Variants in SCARB1 observed in about 807,000 individuals in gnomAD.
SCARB1 encodes the protein scavenger receptor class B member 1, also known as CD36 and LIMPII analogous 1.
A neutral mutation model predicts 57.2 loss-of-function variants in SCARB1; 30 were observed. That is an observed-to-expected ratio of 0.52 (90% CI 0.39 to 0.71). The LOEUF (loss-of-function observed/expected upper bound fraction) is 0.71. Ranked by LOEUF, SCARB1 falls within the 30% of genes least tolerant of loss-of-function variation. SCARB1 has a pLI of 0.00. For synonymous variants in SCARB1, 249 were observed against 268.3 expected (o/e 0.93, Z 0.70); for missense variants, 543 against 671.2 (o/e 0.81, Z 2.11).
At chr12:124,803,689 C>CAAAA (rs58564503) in intron 7 of SCARB1, among the ~76,000 whole-genome samples, 2 of 47,666 alleles carry the variant, frequency 4.2e-5, no homozygotes, top group African/African-American at 9.5e-5. Context: ...CCCACCTCTA[C>CAAAA]AAAAAAAAAA....
intron 9 of SCARB1, among the ~76,000 whole-genome samples, chr12:124,788,377 G>A (rs981775750): frequency 1.3e-5 from 2 of 152,242 alleles, no homozygotes; most frequent in Non-Finnish European, 2.9e-5. Context: ...CTTGTGGCAA[G>A]TGAGGCTCTG....
chr12:124,843,298 G>GT (rs75376985), intron 1 of SCARB1, among the ~76,000 whole-genome samples: 5 of 123,160 alleles, frequency 4.1e-5, no homozygotes, highest in South Asian at 3.1e-4. Context: ...GATGGGGGGG[G>GT]GGGTCTTACT....
At chr12:124,840,338 C>G (rs899131184) in intron 1 of SCARB1, among the ~76,000 whole-genome samples, 3 of 152,094 alleles carry the variant, frequency 2.0e-5, no homozygotes, top group Admixed American at 6.6e-5. Flanking sequence ...CCACCACACC[C>G]GGCTAATTTT....
intron 11 of SCARB1, 33 bp downstream of exon 11, chr12:124,786,324 G>C: frequency 6.2e-7 from 1 of 1,611,948 alleles, no homozygotes; most frequent in Non-Finnish European, 8.5e-7. Context: ...GCGAATGGCT[G>C]TCAGCCCGGG....
chr12:124,860,279 G>T lies in SCARB1; in HGVS notation c.126+3316C>A, dbSNP rs937919648. Among the ~76,000 whole-genome samples the T allele has an allele frequency of 3.3e-5, 5 of 152,248 alleles. No homozygotes were observed. In the East Asian group the frequency reaches 9.6e-4, roughly 29 times the overall value. ...GGACATAGACATGAAATGTGGACAA[G>T]AAGCCATTCTTAAGAAATTCAGTCT... On this transcript the variant is annotated intron_variant, in intron 1 of 12. Coordinates refer to ENST00000261693, the MANE Select transcript of SCARB1 (RefSeq NM_005505.5).
At chr12:124,802,617 C>A (rs917966971) in intron 7 of SCARB1, among the ~76,000 whole-genome samples, 2 of 152,202 alleles carry the variant, frequency 1.3e-5, no homozygotes, top group Non-Finnish European at 2.9e-5. Context: ...GAGGCCGAGC[C>A]TGCATGGACC....
intron 1 of SCARB1, among the ~76,000 whole-genome samples, chr12:124,853,047 G>T (rs1395112346): frequency 6.6e-6 from 1 of 152,134 alleles, no homozygotes; most frequent in Non-Finnish European, 1.5e-5. Flanking sequence ...CAGTGGACGT[G>T]GGGGGCAACT....
In SCARB1 at chr12:124,817,411, C is replaced by T. The variant is rs1032495036; in HGVS notation, c.284+139G>A. On this transcript the variant is annotated intron_variant, in intron 2 of 12. Coordinates refer to ENST00000261693, the MANE Select transcript of SCARB1 (RefSeq NM_005505.5). This position sits in a 1 kb window ranked among gnomAD's most constrained non-coding sequence, Gnocchi z 4.8. Reference sequence around the variant, plus strand: ...AACAAAAACTTCTCTGGGACTAGCACTTACCCCGACTATGACTTGCCTGCT... The same window carrying T: ...AACAAAAACTTCTCTGGGACTAGCATTTACCCCGACTATGACTTGCCTGCT... 2 of 613,640 alleles carry T rather than the reference C, an allele frequency of 3.3e-6. No individual in the cohort carries two copies. Among genetic ancestry groups the T allele is most frequent in the Non-Finnish European group, 2.8e-6 (1 of 355,542 alleles). 38.0% of individuals were successfully genotyped at this position (613,640 alleles called of 1,614,324 possible).
chr12:124,801,931 A>G (rs1175822853), intron 7 of SCARB1, among the ~76,000 whole-genome samples: 3 of 151,856 alleles, frequency 2.0e-5, no homozygotes, highest in African/African-American at 7.3e-5. Context: ...CGGGTGGACC[A>G]GTTGAGGTTG....
intron 1 of SCARB1, among the ~76,000 whole-genome samples, chr12:124,858,751 C>T (rs560925065): frequency 2.0e-4 from 31 of 151,990 alleles, no homozygotes; most frequent in African/African-American, 6.3e-4. Context: ...CGGTGGCGGG[C>T]GCCTGTAGTC....
At chr12:124,856,753 C>T (rs898840089) in intron 1 of SCARB1, among the ~76,000 whole-genome samples, 11 of 152,202 alleles carry the variant, frequency 7.2e-5, no homozygotes, top group South Asian at 4.1e-4. Context: ...CCCCAGGTTC[C>T]GCAGGGGGGC....
chr12:124,843,298 G>C (rs1366478243), intron 1 of SCARB1, among the ~76,000 whole-genome samples: 2 of 123,160 alleles, frequency 1.6e-5, no homozygotes, highest in Non-Finnish European at 3.8e-5. Context: ...GATGGGGGGG[G>C]GGGTCTTACT....
intron 1 of SCARB1, among the ~76,000 whole-genome samples, chr12:124,841,340 C>A (rs928757440): frequency 6.6e-6 from 1 of 151,424 alleles, no homozygotes; most frequent in Non-Finnish European, 1.5e-5. Context: ...CCACTGCACT[C>A]CCCCGCCTGG....
chr12:124,797,350 A>G (rs1949974775), intron 8 of SCARB1, among the ~76,000 whole-genome samples: 1 of 151,998 alleles, frequency 6.6e-6, no homozygotes, highest in African/African-American at 2.4e-5. Flanking sequence ...CCCCAGTTTC[A>G]GGAGCAGAAA....
At chr12:124,829,551 G>A (rs371863582) in intron 1 of SCARB1, among the ~76,000 whole-genome samples, 7 of 131,646 alleles carry the variant, frequency 5.3e-5, no homozygotes, top group South Asian at 2.5e-4. Context: ...TATCTGCCTC[G>A]CTCACTCTGC....
At chr12:124,852,761 C>A (rs1180651706) in intron 1 of SCARB1, among the ~76,000 whole-genome samples, 2 of 152,246 alleles carry the variant, frequency 1.3e-5, no homozygotes, top group Non-Finnish European at 2.9e-5. Context: ...ATGGCGCAAG[C>A]CAGGCGCGGT....
At chr12:124,842,468 C>A (rs573978082) in intron 1 of SCARB1, among the ~76,000 whole-genome samples, 1 of 152,396 alleles carries the variant, frequency 6.6e-6, no homozygotes, top group East Asian at 1.9e-4. Flanking sequence ...CTCAGCGGGG[C>A]TCTGGCCCTG....
intron 1 of SCARB1, among the ~76,000 whole-genome samples, chr12:124,838,858 C>A (rs1336070937): frequency 6.9e-6 from 1 of 144,008 alleles, no homozygotes; most frequent in Non-Finnish European, 1.5e-5. Context: ...TCACTGCAAC[C>A]TCTGCCTCCC....
chr12:124,833,349 C>G (rs1951497442), intron 1 of SCARB1, among the ~76,000 whole-genome samples: 1 of 151,998 alleles, frequency 6.6e-6, no homozygotes, highest in African/African-American at 2.4e-5. Flanking sequence ...ACCACCACGC[C>G]TGGCTAATTT....
Sources: gnomAD v4.1 joint callset for allele counts (sites outside exome capture counted in the v4.1 genomes callset) on GRCh38, gnomAD v4.1.1 for gene constraint, Gnocchi (gnomAD v3.1) non-coding constraint, MANE v1.5 for transcripts, NCBI Gene and HGNC (gene_info 2026-07-23, HGNC 2026-07-21) for gene names.